The following NTRK2 variants were observed in gnomAD, a reference collection of about 807,000 sequenced individuals.
NTRK2 encodes the protein BDNF/NT-3 growth factors receptor.
NTRK2 carries 13 observed loss-of-function variants against 94.5 expected under a neutral mutation model. The ratio of observed to expected loss-of-function variants is 0.14; its 90% CI spans 0.09 to 0.22. The LOEUF (loss-of-function observed/expected upper bound fraction) is 0.22. NTRK2 is among the 10% of genes least tolerant of loss of function. The probability of loss-of-function intolerance (pLI) is 1.00; values close to 1 mark genes in which losing one functional copy is unlikely to be tolerated. For missense variants in NTRK2, 639 were observed against 1,071.2 expected, an observed-to-expected ratio of 0.60 and a Z score of 5.63; for synonymous variants, 372 against 407.4, an observed-to-expected ratio of 0.91 and a Z score of 1.05.
intron 2 of NTRK2, among the ~76,000 whole-genome samples, chr9:84,691,831 G>C (rs540797056): frequency 6.6e-6 from 1 of 152,132 alleles, no homozygotes; most frequent in Non-Finnish European, 1.5e-5. Context: ...CCCAGCCATA[G>C]GAAAAGCTCC....
At chr9:84,987,720 C>T (rs902739891) in intron 17 of NTRK2, among the ~76,000 whole-genome samples, 1 of 152,136 alleles carries the variant, frequency 6.6e-6, no homozygotes, top group Non-Finnish European at 1.5e-5. Context: ...GTTTTATTTA[C>T]TACCACTAAA....
At chr9:84,820,326 C>T (rs901445575) in intron 12 of NTRK2, among the ~76,000 whole-genome samples, 1 of 152,098 alleles carries the variant, frequency 6.6e-6, no homozygotes, top group East Asian at 1.9e-4. Flanking sequence ...TGCACCACCA[C>T]GCCTAGCTAA....
intron 15 of NTRK2, among the ~76,000 whole-genome samples, chr9:84,940,215 A>T (rs1341475481): frequency 1.3e-5 from 2 of 152,208 alleles, no homozygotes; most frequent in East Asian, 3.8e-4. Flanking sequence ...AAAAGAAGGG[A>T]GAAAGAAATC....
chr9:84,890,723 A>T (rs1157876979), intron 14 of NTRK2, among the ~76,000 whole-genome samples: 3 of 152,202 alleles, frequency 2.0e-5, no homozygotes, highest in Non-Finnish European at 4.4e-5. Flanking sequence ...CATGATTAAA[A>T]AATGCTTATC....
At chr9:85,004,894 A>T (rs938839321) in intron 17 of NTRK2, among the ~76,000 whole-genome samples, 10 of 152,236 alleles carry the variant, frequency 6.6e-5, no homozygotes, top group Non-Finnish European at 1.3e-4. Flanking sequence ...CCAGGTACTG[A>T]CTGAGAGAAG....
chr9:84,889,022 G>T (rs1439674261), intron 14 of NTRK2, among the ~76,000 whole-genome samples: 2 of 98,786 alleles, frequency 2.0e-5, no homozygotes, highest in Admixed American at 1.6e-4. Flanking sequence ...ACGGAGTCTC[G>T]CTCTGTCACC....
At chr9:84,919,196 T>C (rs2077487023) in intron 14 of NTRK2, among the ~76,000 whole-genome samples, 1 of 152,148 alleles carries the variant, frequency 6.6e-6, no homozygotes. Flanking sequence ...GATAAATACA[T>C]TTTTCACATC....
At chr9:84,748,495 T>C (rs997871500) in intron 11 of NTRK2, among the ~76,000 whole-genome samples, 1 of 152,212 alleles carries the variant, frequency 6.6e-6, no homozygotes. Context: ...GAAGCTTGGA[T>C]AAGTGAAGCA....
intron 14 of NTRK2, among the ~76,000 whole-genome samples, chr9:84,911,745 C>A (rs1205986348): frequency 1.3e-5 from 2 of 151,980 alleles, no homozygotes; most frequent in African/African-American, 4.8e-5. Context: ...TTTTTGTTTT[C>A]AATTTTATTG....
At chr9:84,895,985 T>C (rs1368943056) in intron 14 of NTRK2, among the ~76,000 whole-genome samples, 1 of 152,256 alleles carries the variant, frequency 6.6e-6, no homozygotes, top group Non-Finnish European at 1.5e-5. Flanking sequence ...TCTAGGATCT[T>C]TGGCCACCCC....
chr9:84,856,310 A>C (rs1443125678), intron 12 of NTRK2, among the ~76,000 whole-genome samples: 1 of 152,134 alleles, frequency 6.6e-6, no homozygotes, highest in South Asian at 2.1e-4. Context: ...TTTATTAAGG[A>C]TATGTCCTTA....
At chr9:84,804,417 C>T (rs544142419) in intron 12 of NTRK2, among the ~76,000 whole-genome samples, 2 of 152,280 alleles carry the variant, frequency 1.3e-5, no homozygotes, top group South Asian at 4.1e-4. Flanking sequence ...ACATTATTTA[C>T]TTTGTACAAA....
At position 85,016,067 on chromosome 9, in the gene NTRK2, T is replaced by C. The variant is rs150460874; in HGVS notation, c.2173-4139T>C. 2.0e-5 allele frequency among the ~76,000 whole-genome samples: 3 copies of C among 152,338 alleles called. No individual in the cohort carries two copies. The East Asian group carries it at 5.8e-4, about 29-fold the overall frequency. On this transcript the variant is annotated intron_variant, in intron 17 of 18. Transcript: ENST00000277120. Reference sequence around the variant, plus strand: ...TAACTGTTGGGTTCAAGTGAGATAATTGAATAGAAATTCTTCGTAAATGTT... The same window carrying C: ...TAACTGTTGGGTTCAAGTGAGATAACTGAATAGAAATTCTTCGTAAATGTT...
chr9:84,908,074 C>CT (rs2077127591), intron 14 of NTRK2, among the ~76,000 whole-genome samples: 1 of 152,222 alleles, frequency 6.6e-6, no homozygotes, highest in African/African-American at 2.4e-5. Flanking sequence ...TATTCTACTA[C>CT]TGGCTACCAA....
At chr9:84,810,483 T>C (rs537026931) in intron 12 of NTRK2, 2 of 1,478,200 alleles carry the variant, frequency 1.4e-6, no homozygotes, top group Non-Finnish European at 1.9e-6. Context: ...ACTTGTATGT[T>C]AATTTTCATT....
At chr9:84,970,307 G>C (rs1826036901) in intron 17 of NTRK2, among the ~76,000 whole-genome samples, 1 of 151,938 alleles carries the variant, frequency 6.6e-6, no homozygotes, top group Admixed American at 6.6e-5. Flanking sequence ...TGAGGCATGA[G>C]GAGGTTGCAG....
At chr9:84,787,645 C>G (rs900297081) in intron 12 of NTRK2, among the ~76,000 whole-genome samples, 2 of 152,168 alleles carry the variant, frequency 1.3e-5, no homozygotes, top group Non-Finnish European at 2.9e-5. Flanking sequence ...ATTTTCAGTT[C>G]TAATGTTCAC....
In NTRK2 at chr9:84,892,658, C is replaced by T. The variant is rs142177232; in HGVS notation, c.1633+25227C>T. On this transcript the variant is annotated intron_variant, in intron 14 of 18. Transcript: ENST00000277120. ...GTCCTAGGCTGGGCACAGTGGCTCA[C>T]GCCTGCAATCCCAACACTTTGGGAG... is the stretch of plus-strand genomic sequence containing the variant. Among the ~76,000 whole-genome samples the T allele has an allele frequency of 4.7e-3, 713 of 152,340 alleles. 12 individuals carry two copies. Among genetic ancestry groups the T allele is most frequent in the Admixed American group, 0.038 (574 of 15,304 alleles).
chr9:84,929,633 C>T (rs1219797342), intron 14 of NTRK2, among the ~76,000 whole-genome samples: 1 of 151,826 alleles, frequency 6.6e-6, no homozygotes, highest in East Asian at 1.9e-4. Context: ...ACGATCCCTG[C>T]TCACTGCAAC....
Sources: gnomAD v4.1 joint callset for allele counts (sites outside exome capture counted in the v4.1 genomes callset) on GRCh38, gnomAD v4.1.1 for gene constraint, MANE v1.5 for transcripts, NCBI Gene and HGNC (gene_info 2026-07-23, HGNC 2026-07-21) for gene names.